The following PPEF1 variants were observed in gnomAD, a reference collection of about 807,000 sequenced individuals.
PPEF1 encodes serine/threonine-protein phosphatase with EF-hands 1.
In PPEF1, 12 loss-of-function variants were observed where a neutral mutation model predicts 53.3. The ratio of observed to expected loss-of-function variants is 0.23; its 90% CI spans 0.14 to 0.36. The LOEUF (loss-of-function observed/expected upper bound fraction) is 0.36, where lower values mean the gene tolerates loss of function less well. Ranked by LOEUF, PPEF1 falls within the 10% of genes least tolerant of loss-of-function variation. PPEF1 has a pLI of 1.00. For missense variants in PPEF1, 334 were observed against 490.4 expected (o/e 0.68, Z 3.01); for synonymous variants, 165 against 176.7 (o/e 0.93, Z 0.52).
intron 8 of PPEF1, 146 bp downstream of exon 8, chrX:18,782,548 C>G: frequency 2.3e-6 from 1 of 432,627 alleles, no homozygotes; most frequent in South Asian, 4.3e-5. Flanking sequence ...AATACAAGCA[C>G]AGCAGGAAGC....
At chrX:18,785,185 A>G (rs1162624568) in intron 9 of PPEF1, among the ~76,000 whole-genome samples, 1 of 111,638 alleles carries the variant, frequency 9.0e-6, no homozygotes, top group Non-Finnish European at 1.9e-5. Context: ...CTTTTTAATT[A>G]AAGTTTAATA....
intron 4 of PPEF1, chrX:18,691,729 A>G (rs1450840417): frequency 8.9e-6 from 1 of 112,310 alleles, no homozygotes; most frequent in Non-Finnish European, 1.9e-5. Context: ...TTGTGGCAAT[A>G]TTTAAAAATA....
intron 2 of PPEF1, 50 bp downstream of exon 2, chrX:18,730,358 C>T (rs1342985950): frequency 1.7e-6 from 2 of 1,163,916 alleles, no homozygotes; most frequent in African/African-American, 1.8e-5. Context: ...TTCTCTTTAC[C>T]CCTTGTTATT....
chrX:18,824,537 A>G (rs1320824074), intron 14 of PPEF1, among the ~76,000 whole-genome samples: 1 of 111,994 alleles, frequency 8.9e-6, no homozygotes, highest in Non-Finnish European at 1.9e-5. Flanking sequence ...TGGTCTGTTC[A>G]GCAAATTTGT....
At chrX:18,825,730 C>T in intron 14 of PPEF1, 21 bp from the exon 15 acceptor site, 1 of 1,097,129 alleles carries the variant, frequency 9.1e-7, no homozygotes, top group African/African-American at 1.8e-5. Flanking sequence ...TGTTCTAACA[C>T]TTAGAAAATC....
At chrX:18,745,431 G>A (rs1164468959) in intron 3 of PPEF1, among the ~76,000 whole-genome samples, 1 of 106,988 alleles carries the variant, frequency 9.3e-6, no homozygotes, top group Non-Finnish European at 1.9e-5. Flanking sequence ...GGCTTGTCTC[G>A]AACTCCTGGA....
intron 2 of PPEF1, among the ~76,000 whole-genome samples, chrX:18,731,566 A>C (rs1007525634): frequency 1.1e-4 from 12 of 112,068 alleles, no homozygotes; most frequent in African/African-American, 3.9e-4. Flanking sequence ...CTTTAGACAC[A>C]TTCCAGCACC....
At chrX:18,714,556 C>T (rs1473976251) in intron 1 of PPEF1, among the ~76,000 whole-genome samples, 1 of 111,938 alleles carries the variant, frequency 8.9e-6, no homozygotes, top group Non-Finnish European at 1.9e-5. Flanking sequence ...TAGGCGTGAG[C>T]CACCGTGCCC....
intron 1 of PPEF1, among the ~76,000 whole-genome samples, chrX:18,677,535 C>G (rs1183659762): frequency 1.8e-5 from 2 of 111,783 alleles, no homozygotes; most frequent in African/African-American, 6.5e-5. Flanking sequence ...TCAAGTGAAC[C>G]CTTTCTGCAG....
chrX:18,721,804 G>T (rs1205199797), intron 1 of PPEF1, among the ~76,000 whole-genome samples: 1 of 112,258 alleles, frequency 8.9e-6, no homozygotes, highest in African/African-American at 3.2e-5. Context: ...AAGGCCAGAG[G>T]TTCCTGAGAA....
intron 5 of PPEF1, chrX:18,697,944 GC>G (rs1929824231): frequency 9.0e-6 from 1 of 111,205 alleles, no homozygotes; most frequent in Non-Finnish European, 1.9e-5. Flanking sequence ...GCTGACTGAG[GC>G]AGTAGAGTGT....
chrX:18,680,446 T>G (rs1385438752), upstream of PPEF1, among the ~76,000 whole-genome samples: 2 of 99,053 alleles, frequency 2.0e-5, no homozygotes, highest in Admixed American at 1.1e-4. Context: ...TTTTTTTTTT[T>G]GATACGGCAT....
rs745460520 is a variant in PPEF1 at position 18,724,095 on chromosome X, A to T, written c.47-6086A>T. ...GAGCCATTGCGCCTGGCCCCGTCTC[A>T]TTTTTTATGGCTGATTCCAAATGCC... On this transcript the variant is annotated intron_variant, in intron 1 of 15. Transcript: ENST00000470157. 2.3e-3 allele frequency among the ~76,000 whole-genome samples: 256 copies of T among 111,720 alleles called. 2 individuals are homozygous for T. The highest frequency in any genetic ancestry group is 7.7e-3 in the African/African-American group (238 of 30,791).
At chrX:18,754,968 C>T (rs897033163) in intron 4 of PPEF1, among the ~76,000 whole-genome samples, 2 of 111,352 alleles carry the variant, frequency 1.8e-5, no homozygotes, top group Non-Finnish European at 3.8e-5. Context: ...TTATAAGACA[C>T]ATGAAGAAAA....
chrX:18,804,982 T>TTTTTTTC (rs1193565447), intron 11 of PPEF1, among the ~76,000 whole-genome samples: 2 of 111,177 alleles, frequency 1.8e-5, no homozygotes, highest in African/African-American at 3.3e-5. Context: ...CCGTTTCTTT[T>TTTTTTTC]TTTTTTCTTT....
intron 1 of PPEF1, among the ~76,000 whole-genome samples, chrX:18,708,034 T>G (rs1419217166): frequency 8.9e-6 from 1 of 112,462 alleles, no homozygotes; most frequent in African/African-American, 3.2e-5. Context: ...CTTAGAGATA[T>G]TTTGTGTTTG....
At chrX:18,763,504 T>C (rs2045708683) in intron 6 of PPEF1, among the ~76,000 whole-genome samples, 1 of 110,888 alleles carries the variant, frequency 9.0e-6, no homozygotes, top group South Asian at 3.9e-4. Flanking sequence ...ACAGTTGTTA[T>C]GGAGGCCTGC....
chrX:18,794,499 G>C (rs188213327), intron 10 of PPEF1, among the ~76,000 whole-genome samples: 169 of 112,868 alleles, frequency 1.5e-3, no homozygotes, highest in Middle Eastern at 4.6e-3. Flanking sequence ...TTCTCCTCCA[G>C]TGACAGCCCC....
chrX:18,778,600 A>G (rs1285863300), intron 6 of PPEF1, among the ~76,000 whole-genome samples: 1 of 111,312 alleles, frequency 9.0e-6, no homozygotes, highest in Non-Finnish European at 1.9e-5. Context: ...GGAGCTGACC[A>G]TAGGGCCCCT....
Sources: allele counts gnomAD v4.1 joint callset (sites outside exome capture counted in the v4.1 genomes callset), GRCh38; gene constraint gnomAD v4.1.1; transcripts MANE v1.5; gene names NCBI Gene and HGNC (gene_info 2026-07-23, HGNC 2026-07-21).